CACNA2D3: variants seen among roughly 807,000 people sequenced by gnomAD.
CACNA2D3 encodes the protein calcium voltage-gated channel auxiliary subunit alpha2delta 3, also known as voltage-dependent calcium channel subunit alpha-2/delta-3.
A neutral mutation model predicts 160.6 loss-of-function variants in CACNA2D3; 60 were observed. The ratio of observed to expected loss-of-function variants is 0.37; its 90% CI spans 0.30 to 0.46. CACNA2D3 has a LOEUF of 0.46. Ranked by LOEUF, CACNA2D3 falls within the 20% of genes least tolerant of loss-of-function variation. The pLI is 1.00. For missense variants in CACNA2D3, 1,205 were observed against 1,365.0 expected (o/e 0.88, Z 1.85); for synonymous variants, 558 against 492.9 (o/e 1.13, Z -1.75).
intron 12 of CACNA2D3, among the ~76,000 whole-genome samples, chr3:54,763,649 A>ATATG (rs1702128292): frequency 7.8e-6 from 1 of 128,848 alleles, no homozygotes; most frequent in Non-Finnish European, 1.7e-5. Flanking sequence ...GTGTGTGTAT[A>ATATG]TATATGTGTG....
At position 54,638,107 on chromosome 3, in the gene CACNA2D3, G is replaced by C. The variant is rs543844893; in HGVS notation, c.1054-4021G>C. On this transcript the variant is annotated intron_variant, in intron 10 of 37. Transcript: ENST00000474759. Reference sequence around the variant, plus strand: ...ACACCTTGAAGGTGAGGTTAATTAAGTCCTGTTGTGGGGTTTGAGGGCCAG... The same window carrying C: ...ACACCTTGAAGGTGAGGTTAATTAACTCCTGTTGTGGGGTTTGAGGGCCAG... 225 of 152,116 alleles carry C rather than the reference G, an allele frequency of 1.5e-3. 4 individuals carry two copies. The highest frequency in any genetic ancestry group is 5.1e-3 in the African/African-American group (209 of 41,380). The allele number at this position is 152,116 out of a possible 1,614,324, so 9.4% of individuals were successfully genotyped here. A position where few individuals can be genotyped will look rare whatever the true frequency, so the allele number is the denominator to read the frequency against.
intron 27 of CACNA2D3, among the ~76,000 whole-genome samples, chr3:54,943,113 GAT>G (rs1701517760): frequency 6.6e-6 from 1 of 151,084 alleles, no homozygotes; most frequent in African/African-American, 2.4e-5. Flanking sequence ...GAGGCAAGAG[GAT>G]CACTTGAACC....
chr3:54,710,594 C>T (rs1207075739), intron 11 of CACNA2D3, among the ~76,000 whole-genome samples: 3 of 152,176 alleles, frequency 2.0e-5, no homozygotes, highest in African/African-American at 7.2e-5. Context: ...GACCCACCAA[C>T]ATGACTACCA....
intron 35 of CACNA2D3, among the ~76,000 whole-genome samples, chr3:55,036,990 C>G (rs1278040183): frequency 6.6e-6 from 1 of 151,334 alleles, no homozygotes; most frequent in Non-Finnish European, 1.5e-5. Flanking sequence ...GTCTGGGAAT[C>G]TGCACTTTGG....
chr3:54,584,054 TC>T (rs1466933919), intron 9 of CACNA2D3, among the ~76,000 whole-genome samples: 1 of 152,060 alleles, frequency 6.6e-6, no homozygotes, highest in Non-Finnish European at 1.5e-5. Context: ...AAGAAGTTGA[TC>T]TTTTGCCCCA....
rs1331515101 is a variant in CACNA2D3 at position 54,242,454 on chromosome 3, A to G, written c.205-77988A>G. ...TGAGACTCAGTCTCAAATAAAAATG[A>G]AATGAAATGAAATAAAATAAATAGA... On this transcript the variant is annotated intron_variant, in intron 2 of 37. Coordinates refer to ENST00000474759, the MANE Select transcript of CACNA2D3 (RefSeq NM_018398.3). Among the ~76,000 whole-genome samples the G allele has an allele frequency of 3.3e-5, 5 of 152,190 alleles. No individual in the cohort carries two copies. In the East Asian group the frequency reaches 9.6e-4, roughly 29 times the overall value.
At chr3:54,428,343 A>G (rs1699938988) in intron 4 of CACNA2D3, among the ~76,000 whole-genome samples, 1 of 152,212 alleles carries the variant, frequency 6.6e-6, no homozygotes, top group South Asian at 2.1e-4. Flanking sequence ...TTATTGAATT[A>G]AAGTAAATGA....
intron 26 of CACNA2D3, 85 bp from the exon 27 acceptor site, chr3:54,899,703 G>A: frequency 3.0e-6 from 3 of 1,011,164 alleles, no homozygotes; most frequent in Non-Finnish European, 4.5e-6. Flanking sequence ...TGCAGAATTG[G>A]TGACTGTAGA....
Position 54,464,081 on chromosome 3 carries a change from C to T in CACNA2D3, c.382-39411C>T, listed in dbSNP as rs186038229. Among the ~76,000 whole-genome samples, 949 of 151,988 alleles carry T rather than the reference C, an allele frequency of 6.2e-3. 8 individuals are homozygous for T. The highest frequency in any genetic ancestry group is 0.022 in the African/African-American group (916 of 41,546). ...GGTACCAGCAGCGGTGGCTGCAGAA[C>T]AGCAGTTTTTCATGAACCACGAATG... On this transcript the variant is annotated intron_variant, in intron 4 of 37. Coordinates refer to ENST00000474759, the MANE Select transcript of CACNA2D3 (RefSeq NM_018398.3).
intron 26 of CACNA2D3, 160 bp downstream of exon 26, chr3:54,897,030 C>G: frequency 5.4e-6 from 4 of 746,396 alleles, no homozygotes; most frequent in Non-Finnish European, 8.7e-6. Context: ...GTGACCAGTT[C>G]CATAAGAGTA....
chr3:54,434,031 G>C (rs907339635), intron 4 of CACNA2D3, among the ~76,000 whole-genome samples: 1 of 152,138 alleles, frequency 6.6e-6, no homozygotes, highest in Non-Finnish European at 1.5e-5. Context: ...AAGCAGCAGC[G>C]CTCCGGTTCT....
chr3:54,385,448 GGATT>G (rs768368615), intron 3 of CACNA2D3, among the ~76,000 whole-genome samples: 1 of 152,122 alleles, frequency 6.6e-6, no homozygotes, highest in Non-Finnish European at 1.5e-5. Context: ...TGTTCTCTGG[GGATT>G]GTTCTTTGAC....
chr3:54,871,224 C>CACACACAT (rs1491220764), intron 17 of CACNA2D3, among the ~76,000 whole-genome samples: 1,723 of 109,204 alleles, frequency 0.016, 35 homozygotes, highest in African/African-American at 0.061. Context: ...CACACACACA[C>CACACACAT]CCCCCATTCA....
intron 4 of CACNA2D3, among the ~76,000 whole-genome samples, chr3:54,450,611 C>T (rs528631202): frequency 5.3e-5 from 8 of 152,118 alleles, no homozygotes; most frequent in African/African-American, 1.4e-4. Flanking sequence ...TGTTAAAAAG[C>T]GCCTGGCACC....
intron 31 of CACNA2D3, among the ~76,000 whole-genome samples, chr3:54,991,699 T>C (rs1166594510): frequency 6.6e-6 from 1 of 152,088 alleles, no homozygotes; most frequent in African/African-American, 2.4e-5. Context: ...ACTCTGGACT[T>C]GAAATAAGAA....
At chr3:54,663,759 A>T (rs1307894537) in intron 11 of CACNA2D3, among the ~76,000 whole-genome samples, 1 of 152,166 alleles carries the variant, frequency 6.6e-6, no homozygotes, top group African/African-American at 2.4e-5. Flanking sequence ...TGCCATGTGC[A>T]CACCAGTCCT....
chr3:54,605,355 A>G (rs144721418), intron 9 of CACNA2D3, among the ~76,000 whole-genome samples: 121 of 152,282 alleles, frequency 7.9e-4, no homozygotes, highest in African/African-American at 2.5e-3. Context: ...AGAAGTTTCA[A>G]GCTCCTCACC....
chr3:54,236,027 C>T (rs979756478), intron 2 of CACNA2D3, among the ~76,000 whole-genome samples: 5 of 152,206 alleles, frequency 3.3e-5, no homozygotes, highest in African/African-American at 1.2e-4. Context: ...GAGAGTGACA[C>T]TTTACCTCTG....
intron 4 of CACNA2D3, among the ~76,000 whole-genome samples, chr3:54,456,105 T>C (rs750375843): frequency 1.3e-5 from 2 of 152,170 alleles, no homozygotes; most frequent in African/African-American, 2.4e-5. Flanking sequence ...AGTATTTTGA[T>C]AGAGATTGCA....
Sources: gnomAD v4.1 joint callset for allele counts (sites outside exome capture counted in the v4.1 genomes callset) on GRCh38, gnomAD v4.1.1 for gene constraint, MANE v1.5 for transcripts, NCBI Gene and HGNC (gene_info 2026-07-23, HGNC 2026-07-21) for gene names.